The following FARS2 variants were observed in gnomAD, a reference collection of about 807,000 sequenced individuals.
The protein encoded by FARS2 is phenylalanine--tRNA ligase, mitochondrial.
In FARS2, 40 loss-of-function variants were observed where a neutral mutation model predicts 46.4. That is an observed-to-expected ratio of 0.86 (90% CI 0.67 to 1.12). FARS2 has a LOEUF of 1.12. Ranked by LOEUF, FARS2 falls within the 50% of genes most tolerant of loss-of-function variation. The pLI is 0.00. For missense variants in FARS2, 513 were observed against 567.9 expected, an observed-to-expected ratio of 0.90 and a Z score of 0.98; for synonymous variants, 234 against 214.9, an observed-to-expected ratio of 1.09 and a Z score of -0.78.
At chr6:5,461,513 C>T (rs1024724142) in intron 4 of FARS2, among the ~76,000 whole-genome samples, 2 of 152,152 alleles carry the variant, frequency 1.3e-5, no homozygotes, top group Non-Finnish European at 2.9e-5. Context: ...TCCTCATGCC[C>T]ATGTGCAGCC....
intron 5 of FARS2, among the ~76,000 whole-genome samples, chr6:5,546,309 T>C (rs1343903397): frequency 6.8e-6 from 1 of 146,672 alleles, no homozygotes; most frequent in Non-Finnish European, 1.5e-5. Flanking sequence ...TGGGCTGGAG[T>C]GCGCGATCTT....
Position 5,605,196 on chromosome 6 carries a change from C to T in FARS2, c.1066-7973C>T, listed in dbSNP as rs570723419. Among the ~76,000 whole-genome samples the T allele has an allele frequency of 6.6e-5, 10 of 152,286 alleles. No homozygotes were observed. In the South Asian group the frequency reaches 1.9e-3, roughly 28 times the overall value. On this transcript the variant is annotated intron_variant, in intron 5 of 6. Coordinates refer to ENST00000274680, the MANE Select transcript of FARS2 (RefSeq NM_006567.5). The stretch of plus-strand genomic sequence containing the variant: ...TATATCACTACAGACCAGAGACAAA[C>T]GCAAAGCAGAGTGTGAAACCAGACA...
chr6:5,518,902 A>G (rs959559969), intron 4 of FARS2, among the ~76,000 whole-genome samples: 5 of 152,208 alleles, frequency 3.3e-5, no homozygotes, highest in Non-Finnish European at 7.3e-5. Context: ...TGTAGTGGTT[A>G]CAGTAGCAGC....
chr6:5,712,185 T>C (rs1190858994), intron 6 of FARS2, among the ~76,000 whole-genome samples: 1 of 152,224 alleles, frequency 6.6e-6, no homozygotes, highest in East Asian at 1.9e-4. Flanking sequence ...CCTTATTCTT[T>C]ACCTCCTTCT....
intron 6 of FARS2, among the ~76,000 whole-genome samples, chr6:5,728,634 TAAAG>T (rs773714895): frequency 6.6e-6 from 1 of 152,184 alleles, no homozygotes; most frequent in Non-Finnish European, 1.5e-5. Context: ...GTTTAAATCA[TAAAG>T]AAAGGCTCAG....
intron 5 of FARS2, among the ~76,000 whole-genome samples, chr6:5,562,949 A>G (rs1582455356): frequency 6.6e-6 from 1 of 151,724 alleles, no homozygotes; most frequent in Non-Finnish European, 1.5e-5. Flanking sequence ...GATTACAGGC[A>G]CCTGCCACCA....
At chr6:5,624,463 G>T (rs193282065) in intron 6 of FARS2, among the ~76,000 whole-genome samples, 1 of 152,352 alleles carries the variant, frequency 6.6e-6, no homozygotes, top group South Asian at 2.1e-4. Context: ...GGCAGAGGCA[G>T]AGAGACTGCT....
chr6:5,383,804 C>A lies in FARS2; in HGVS notation c.612+14622C>A, dbSNP rs142017040. On this transcript the variant is annotated intron_variant, in intron 2 of 6. Transcript: ENST00000274680. ...CCTTTGCTGTCTTTTCTGTTCTTTC[C>A]CGTGGTTGACTGATTAGTAATGTGT... Among the ~76,000 whole-genome samples the A allele has an allele frequency of 3.9e-3, 585 of 151,436 alleles. 2 individuals are homozygous for A. Among genetic ancestry groups the A allele is most frequent in the African/African-American group, 0.014 (567 of 41,216 alleles).
chr6:5,356,331 T>C (rs1757926807), intron 1 of FARS2, among the ~76,000 whole-genome samples: 1 of 152,136 alleles, frequency 6.6e-6, no homozygotes, highest in Non-Finnish European at 1.5e-5. Flanking sequence ...ACGCCTGTAA[T>C]CCCAGCTACT....
At chr6:5,513,570 C>T (rs1323268148) in intron 4 of FARS2, among the ~76,000 whole-genome samples, 1 of 152,228 alleles carries the variant, frequency 6.6e-6, no homozygotes, top group Non-Finnish European at 1.5e-5. Flanking sequence ...GCGCCTGTGT[C>T]TTTTCGTTCT....
chr6:5,665,057 G>A (rs1177887031), intron 6 of FARS2: 1 of 152,224 alleles, frequency 6.6e-6, no homozygotes, highest in Non-Finnish European at 1.5e-5. Flanking sequence ...AGTTATCAAA[G>A]GTTGATTTCA....
In FARS2 at chr6:5,301,848, A is replaced by ACACACACACAC. The variant is rs1561943021; in HGVS notation, c.-22+40188_-22+40189insCACACACACAC. Among the ~76,000 whole-genome samples the ACACACACACAC allele has an allele frequency of 2.8e-4, 34 of 122,890 alleles. 1 individual carries two copies. The highest frequency in any genetic ancestry group is 9.8e-4 in the African/African-American group (34 of 34,582). 80.6% of individuals were successfully genotyped at this position (122,890 alleles called of 152,430 possible). On this transcript the variant is annotated intron_variant, in intron 1 of 6. Transcript: ENST00000274680. ...ACACACACACACACACACACACACA[A>ACACACACACAC]AGAAAATGGGGCTAAATTGGTGGAC...
At chr6:5,487,027 G>A (rs1189430752) in intron 4 of FARS2, among the ~76,000 whole-genome samples, 1 of 151,542 alleles carries the variant, frequency 6.6e-6, no homozygotes. Context: ...AAGCTGGTTG[G>A]ATATTGGCTG....
At chr6:5,355,234 A>G (rs898728606) in intron 1 of FARS2, among the ~76,000 whole-genome samples, 2 of 151,868 alleles carry the variant, frequency 1.3e-5, no homozygotes, top group Admixed American at 6.6e-5. Context: ...CGGTTTCCTC[A>G]ATTTAGAGAC....
chr6:5,250,271 A>G, the FARS2 span, among the ~76,000 whole-genome samples: 3 of 152,146 alleles, frequency 2.0e-5, no homozygotes, highest in Non-Finnish European at 2.9e-5. Flanking sequence ...TATAAATAGA[A>G]TAAGTGCAAT....
chr6:5,488,393 T>C (rs1411762498), intron 4 of FARS2, among the ~76,000 whole-genome samples: 1 of 152,168 alleles, frequency 6.6e-6, no homozygotes, highest in Non-Finnish European at 1.5e-5. Flanking sequence ...TTTAGTAGGG[T>C]CAATATCTAC....
intron 5 of FARS2, among the ~76,000 whole-genome samples, chr6:5,548,534 C>T (rs1290242061): frequency 1.3e-5 from 2 of 152,188 alleles, no homozygotes; most frequent in Non-Finnish European, 1.5e-5. Flanking sequence ...AGGGCTGTAA[C>T]TTTTTCTCAT....
intron 6 of FARS2, among the ~76,000 whole-genome samples, chr6:5,691,445 G>A (rs904652109): frequency 5.9e-5 from 9 of 152,192 alleles, no homozygotes; most frequent in African/African-American, 1.9e-4. Flanking sequence ...GGAGTTTGCT[G>A]GAGGTCCACT....
chr6:5,501,640 G>A (rs137936963), intron 4 of FARS2, among the ~76,000 whole-genome samples: 4,224 of 152,060 alleles, frequency 0.028, 188 homozygotes, highest in African/African-American at 0.096. Context: ...GACTACAGGC[G>A]TGAGCCACCA....
Sources: gnomAD v4.1 joint callset for allele counts (sites outside exome capture counted in the v4.1 genomes callset) on GRCh38, gnomAD v4.1.1 for gene constraint, MANE v1.5 for transcripts, NCBI Gene and HGNC (gene_info 2026-07-23, HGNC 2026-07-21) for gene names.